HECW1: variants seen among roughly 807,000 people sequenced by gnomAD.
HECW1 encodes E3 ubiquitin-protein ligase HECW1.
A neutral mutation model predicts 182.3 loss-of-function variants in HECW1; 61 were observed. The observed-to-expected ratio is 0.33, with a 90% CI of 0.27 to 0.41. The LOEUF (loss-of-function observed/expected upper bound fraction) is 0.41. Among genes scored for constraint, HECW1 ranks in the 10% least tolerant of loss-of-function variants. HECW1 has a pLI of 1.00. For missense variants in HECW1, 1,739 were observed against 2,108.9 expected (o/e 0.82, Z 3.44); for synonymous variants, 859 against 832.6 (o/e 1.03, Z -0.55).
At chr7:43,530,219 A>T (rs1220269023) in intron 24 of HECW1, among the ~76,000 whole-genome samples, 2 of 150,904 alleles carry the variant, frequency 1.3e-5, no homozygotes, top group Admixed American at 1.3e-4. Flanking sequence ...CAGCCTTCCA[A>T]AGCGCTGGGA....
At chr7:43,538,842 A>G (rs2081269886) in intron 24 of HECW1, among the ~76,000 whole-genome samples, 1 of 152,206 alleles carries the variant, frequency 6.6e-6, no homozygotes, top group Admixed American at 6.5e-5. Flanking sequence ...CGCGGTGACT[A>G]GAACTGACAG....
chr7:43,471,484 G>C (rs2078021975), intron 16 of HECW1, among the ~76,000 whole-genome samples: 1 of 152,182 alleles, frequency 6.6e-6, no homozygotes, highest in African/African-American at 2.4e-5. Context: ...AGAAGGGATG[G>C]GCAGAGCTGT....
rs936567365 is a variant in HECW1 at position 43,179,717 on chromosome 7, A to C, written c.-31-64158A>C. Among the ~76,000 whole-genome samples, 3 of 152,376 alleles carry C rather than the reference A, an allele frequency of 2.0e-5. No individual in the cohort carries two copies. The East Asian group carries it at 5.8e-4, about 29-fold the overall frequency. On this transcript the variant is annotated intron_variant, in intron 2 of 29. Coordinates refer to ENST00000395891, the MANE Select transcript of HECW1 (RefSeq NM_015052.5). ...TCTGTATTAAATACTGCAGCATAGA[A>C]TATGACTGCCTTAATTTATACCTAT...
chr7:43,274,316 A>C, intron 3 of HECW1: 1 of 996,058 alleles, frequency 1.0e-6, no homozygotes, highest in Admixed American at 2.6e-5. Flanking sequence ...CAGTTAAAGA[A>C]GATGAAGATG....
chr7:43,284,447 G>T (rs989485838), intron 3 of HECW1, among the ~76,000 whole-genome samples: 5 of 148,120 alleles, frequency 3.4e-5, no homozygotes, highest in Non-Finnish European at 7.4e-5. Flanking sequence ...CCAGCAGATG[G>T]CTTGAGCCCA....
Position 43,446,026 on chromosome 7 carries a change from TGAA to T in HECW1, c.2398+460_2398+462del, listed in dbSNP as rs149727102. ...ATTAGCAATAGATGTTAATATTAGT[TGAA>T]GAACAGATTTTACCTCTGTTTTAGA... On this transcript the variant is annotated intron_variant, in intron 11 of 29. Coordinates refer to ENST00000395891, the MANE Select transcript of HECW1 (RefSeq NM_015052.5). Among the ~76,000 whole-genome samples, 784 of 152,346 alleles carry T rather than the reference TGAA, an allele frequency of 5.1e-3. 6 individuals carry two copies. The highest frequency in any genetic ancestry group is 0.018 in the African/African-American group (753 of 41,574).
At chr7:43,154,020 T>C (rs1404028154) in intron 2 of HECW1, among the ~76,000 whole-genome samples, 1 of 152,190 alleles carries the variant, frequency 6.6e-6, no homozygotes, top group Non-Finnish European at 1.5e-5. Context: ...TTACTCAAAT[T>C]CCATGTCAGT....
At chr7:43,297,034 CT>C (rs1806141685) in intron 3 of HECW1, among the ~76,000 whole-genome samples, 1 of 152,232 alleles carries the variant, frequency 6.6e-6, no homozygotes, top group Non-Finnish European at 1.5e-5. Flanking sequence ...TAAAATATAG[CT>C]GCCTGGGCCC....
chr7:43,465,929 AGAAAG>A (rs1053814302), intron 14 of HECW1, among the ~76,000 whole-genome samples: 4 of 149,700 alleles, frequency 2.7e-5, no homozygotes, highest in African/African-American at 7.4e-5. Flanking sequence ...GAAAGAAAGA[AGAAAG>A]GAAGAAAGGA....
chr7:43,175,809 G>A (rs189774538), intron 2 of HECW1, among the ~76,000 whole-genome samples: 6 of 152,228 alleles, frequency 3.9e-5, no homozygotes. Flanking sequence ...CCTTCATGAC[G>A]GCTTTTGGTT....
chr7:43,538,837 T>A (rs1019837967), intron 24 of HECW1, among the ~76,000 whole-genome samples: 7 of 151,944 alleles, frequency 4.6e-5, no homozygotes, highest in Admixed American at 3.9e-4. Context: ...TTAACCGCGG[T>A]GACTAGAACT....
chr7:43,348,432 C>T (rs2152804609), intron 5 of HECW1, among the ~76,000 whole-genome samples: 1 of 152,028 alleles, frequency 6.6e-6, no homozygotes, highest in African/African-American at 2.4e-5. Flanking sequence ...TGCTAATGGT[C>T]TGTCAATTTT....
rs781675799 is a variant in HECW1 at position 43,562,563 on chromosome 7, T to G, written c.*637T>G. The G allele has an allele frequency of 2.2e-5, 5 of 227,970 alleles. No individual in the cohort carries two copies. The highest frequency in any genetic ancestry group is 2.6e-5 in the Non-Finnish European group (3 of 114,510). The allele number at this position is 227,970 out of a possible 1,614,324, so 14.1% of individuals were successfully genotyped here. ...TAGACATACGGTGCAAATATGACAC[T>G]TCTAACGATTAACAACAGCAAGAAA... is the stretch of plus-strand genomic sequence containing the variant. On this transcript the variant is annotated 3_prime_UTR_variant, in exon 30 of 30. Transcript: ENST00000395891.
chr7:43,536,302 A>G (rs752890942), intron 24 of HECW1, among the ~76,000 whole-genome samples: 10 of 152,234 alleles, frequency 6.6e-5, no homozygotes, highest in African/African-American at 1.4e-4. Context: ...CGGTGATGGC[A>G]TGTCAGAATC....
In HECW1 at chr7:43,220,381, T is replaced by C. The variant is rs542820967; in HGVS notation, c.-31-23494T>C. Among the ~76,000 whole-genome samples the C allele has an allele frequency of 5.3e-5, 8 of 152,246 alleles. No individual in the cohort carries two copies. The South Asian group carries it at 1.0e-3, about 20-fold the overall frequency. Reference sequence around the variant, plus strand: ...TGAGTCTTCACGTCCAGAGTTGTTATTGGAGTTTCATATGAAGGCACAGTT... The same window carrying C: ...TGAGTCTTCACGTCCAGAGTTGTTACTGGAGTTTCATATGAAGGCACAGTT... On this transcript the variant is annotated intron_variant, in intron 2 of 29. Transcript: ENST00000395891.
intron 2 of HECW1, among the ~76,000 whole-genome samples, chr7:43,210,095 G>C (rs1008823186): frequency 1.3e-5 from 2 of 152,250 alleles, no homozygotes; most frequent in East Asian, 3.9e-4. Context: ...TTCCTGGCCT[G>C]AGCGGACCCA....
intron 8 of HECW1, among the ~76,000 whole-genome samples, chr7:43,428,045 A>T (rs1042645137): frequency 5.9e-5 from 9 of 152,148 alleles, no homozygotes; most frequent in African/African-American, 2.2e-4. Flanking sequence ...ACCTGCACCT[A>T]GTGGAAGGGG....
At position 43,565,688 on chromosome 7, in the gene HECW1, GAA is replaced by G. The variant is rs1227760747; in HGVS notation, c.*3765_*3766del. 1 of 181,990 alleles carries G rather than the reference GAA, an allele frequency of 5.5e-6. No homozygotes were observed. Among genetic ancestry groups the G allele is most frequent in the Non-Finnish European group, 1.2e-5 (1 of 85,526 alleles). 11.3% of individuals were successfully genotyped at this position (181,990 alleles called of 1,614,324 possible). Reference sequence around the variant, plus strand: ...GTTCCAGCCATCATAAGGTCCAAAAGAAAAGAGAAAGTGTTATTTTCCTGTTA... The same window carrying G: ...GTTCCAGCCATCATAAGGTCCAAAAGAAGAGAAAGTGTTATTTTCCTGTTA... On this transcript the variant is annotated 3_prime_UTR_variant, in exon 30 of 30. Coordinates refer to ENST00000395891, the MANE Select transcript of HECW1 (RefSeq NM_015052.5).
chr7:43,450,296 T>C (rs1267148992), intron 11 of HECW1, among the ~76,000 whole-genome samples: 2 of 152,104 alleles, frequency 1.3e-5, no homozygotes, highest in Non-Finnish European at 2.9e-5. Flanking sequence ...CTTTCTTGGC[T>C]CGCCAGCTCC....
Sources: gnomAD v4.1 joint callset for allele counts (sites outside exome capture counted in the v4.1 genomes callset) on GRCh38, gnomAD v4.1.1 for gene constraint, MANE v1.5 for transcripts, NCBI Gene and HGNC (gene_info 2026-07-23, HGNC 2026-07-21) for gene names.